The following CDH12 variants were observed in gnomAD, a reference collection of about 807,000 sequenced individuals.
CDH12 encodes cadherin-12.
Under a neutral mutation model 74.1 loss-of-function variants are expected in CDH12, and 41 were observed. That is an observed-to-expected ratio of 0.55 (90% CI 0.43 to 0.72). The LOEUF (loss-of-function observed/expected upper bound fraction) is 0.72, where lower values mean the gene tolerates loss of function less well. CDH12 is among the 30% of genes least tolerant of loss of function. The probability of loss-of-function intolerance (pLI) is 0.00; values close to 1 mark genes in which losing one functional copy is unlikely to be tolerated. For missense variants in CDH12, 945 were observed against 977.2 expected (o/e 0.97, Z 0.44); for synonymous variants, 399 against 355.0 (o/e 1.12, Z -1.39).
intron 3 of CDH12, among the ~76,000 whole-genome samples, chr5:22,328,685 T>C (rs973318172): frequency 6.6e-6 from 1 of 151,902 alleles, no homozygotes; most frequent in Non-Finnish European, 1.5e-5. Context: ...AGGAGAGAAA[T>C]AGAAAAATTG....
At chr5:22,359,704 A>G (rs937930652) in intron 3 of CDH12, among the ~76,000 whole-genome samples, 1 of 152,224 alleles carries the variant, frequency 6.6e-6, no homozygotes, top group Non-Finnish European at 1.5e-5. Context: ...AGCAAATGTA[A>G]AAGAATAGAA....
intron 3 of CDH12, among the ~76,000 whole-genome samples, chr5:22,370,433 A>T (rs755173805): frequency 1.3e-5 from 2 of 152,172 alleles, no homozygotes; most frequent in Non-Finnish European, 2.9e-5. Flanking sequence ...AATTAAATAA[A>T]TTCGTGAGTA....
At chr5:22,656,398 A>G (rs918486118) in intron 1 of CDH12, among the ~76,000 whole-genome samples, 6 of 152,210 alleles carry the variant, frequency 3.9e-5, no homozygotes, top group African/African-American at 1.4e-4. Context: ...CCAAATGGCT[A>G]GTAAGAATAT....
intron 6 of CDH12, among the ~76,000 whole-genome samples, chr5:21,949,700 A>G (rs1755746899): frequency 6.6e-6 from 1 of 152,160 alleles, no homozygotes; most frequent in South Asian, 2.1e-4. Context: ...CAAAAAAATT[A>G]AAAGTTAAAA....
chr5:22,152,703 C>T (rs538341102), intron 4 of CDH12, among the ~76,000 whole-genome samples: 6 of 152,272 alleles, frequency 3.9e-5, no homozygotes, highest in South Asian at 2.1e-4. Flanking sequence ...TGTTGTAAAA[C>T]GGATCTCTTG....
chr5:22,503,018 C>T (rs1736236373), intron 2 of CDH12, among the ~76,000 whole-genome samples: 1 of 151,906 alleles, frequency 6.6e-6, no homozygotes, highest in Admixed American at 6.6e-5. Flanking sequence ...CTGCATTTTT[C>T]CTACTCTTTC....
At chr5:22,672,294 T>A (rs941729857) in intron 1 of CDH12, among the ~76,000 whole-genome samples, 4 of 151,610 alleles carry the variant, frequency 2.6e-5, no homozygotes, top group Admixed American at 2.6e-4. Context: ...CATATTATCA[T>A]AACCAAGAGT....
rs184746925 is a variant in CDH12 at position 22,322,155 on chromosome 5, C to A, written c.-333+83102G>T. Among the ~76,000 whole-genome samples the A allele has an allele frequency of 8.5e-3, 1,287 of 150,534 alleles. 15 individuals carry two copies. Among genetic ancestry groups the A allele is most frequent in the African/African-American group, 0.03 (1,209 of 40,188 alleles). ...GGAAAACTTAAAAAGCACTTAAAAA[C>A]CATAGCAGACAATGGAAAGTATAAA... On this transcript the variant is annotated intron_variant, in intron 3 of 14. Coordinates refer to ENST00000382254, the MANE Select transcript of CDH12 (RefSeq NM_004061.5).
At chr5:22,059,717 G>A (rs921162834) in intron 5 of CDH12, among the ~76,000 whole-genome samples, 8 of 151,870 alleles carry the variant, frequency 5.3e-5, no homozygotes, top group South Asian at 2.1e-4. Context: ...TTTCCAAACC[G>A]CCTCATGTTA....
intron 3 of CDH12, among the ~76,000 whole-genome samples, chr5:22,265,491 T>C (rs1366162761): frequency 6.6e-6 from 1 of 152,178 alleles, no homozygotes; most frequent in Non-Finnish European, 1.5e-5. Flanking sequence ...AAGGTTCTGC[T>C]CTCTCGTATG....
chr5:22,517,648 C>G (rs1053791201), intron 1 of CDH12, among the ~76,000 whole-genome samples: 1 of 152,160 alleles, frequency 6.6e-6, no homozygotes, highest in Non-Finnish European at 1.5e-5. Context: ...TACACTAACT[C>G]AAAATAAAGC....
At chr5:21,971,420 CT>C (rs918192679) in intron 6 of CDH12, among the ~76,000 whole-genome samples, 4 of 152,014 alleles carry the variant, frequency 2.6e-5, no homozygotes, top group African/African-American at 9.7e-5. Context: ...AAATACAAAT[CT>C]TTAGTTAGAT....
chr5:22,700,128 C>G (rs1742635578), intron 1 of CDH12, among the ~76,000 whole-genome samples: 1 of 152,030 alleles, frequency 6.6e-6, no homozygotes, highest in Non-Finnish European at 1.5e-5. Flanking sequence ...GATTGTACCA[C>G]TGCACTCCAG....
intron 3 of CDH12, among the ~76,000 whole-genome samples, chr5:22,297,235 G>A (rs947737646): frequency 2.0e-5 from 3 of 152,014 alleles, no homozygotes; most frequent in Non-Finnish European, 4.4e-5. Flanking sequence ...TGTTCAGGCT[G>A]GTCTCAAACT....
chr5:21,885,188 A>G (rs1187651087), intron 6 of CDH12, among the ~76,000 whole-genome samples: 1 of 152,104 alleles, frequency 6.6e-6, no homozygotes, highest in Non-Finnish European at 1.5e-5. Flanking sequence ...CGCCCAGGCA[A>G]AAGGCCCTGT....
chr5:22,065,171 T>C (rs1741469578), intron 5 of CDH12, among the ~76,000 whole-genome samples: 1 of 152,148 alleles, frequency 6.6e-6, no homozygotes, highest in South Asian at 2.1e-4. Flanking sequence ...CTGCTCTCTT[T>C]GATTCTAGTT....
chr5:22,671,601 C>A (rs2126914351), intron 1 of CDH12, among the ~76,000 whole-genome samples: 1 of 152,148 alleles, frequency 6.6e-6, no homozygotes, highest in Admixed American at 6.5e-5. Context: ...AACAAAATTG[C>A]TGGAACAAGT....
chr5:21,936,686 A>T (rs1168165568), intron 6 of CDH12, among the ~76,000 whole-genome samples: 1 of 151,986 alleles, frequency 6.6e-6, no homozygotes, highest in Non-Finnish European at 1.5e-5. Flanking sequence ...TGGCTCTGTG[A>T]CCCCACCCAA....
intron 2 of CDH12, among the ~76,000 whole-genome samples, chr5:22,489,120 C>T (rs1160338480): frequency 1.0e-4 from 11 of 110,148 alleles, no homozygotes; most frequent in Non-Finnish European, 1.7e-4. Flanking sequence ...TGCAGTGGCA[C>T]GATCTCGGCT....
Sources: allele counts gnomAD v4.1 joint callset (sites outside exome capture counted in the v4.1 genomes callset), GRCh38; gene constraint gnomAD v4.1.1; transcripts MANE v1.5; gene names NCBI Gene and HGNC (gene_info 2026-07-23, HGNC 2026-07-21).